Variants in CADPS observed in about 807,000 individuals in gnomAD.
CADPS encodes calcium dependent secretion activator, also known as calcium-dependent secretion activator 1.
A neutral mutation model predicts 167.3 loss-of-function variants in CADPS; 57 were observed. The ratio of observed to expected loss-of-function variants is 0.34; its 90% confidence interval spans 0.28 to 0.42. CADPS has a LOEUF of 0.42. Ranked by LOEUF, CADPS falls within the 20% of genes least tolerant of loss-of-function variation. CADPS has a pLI of 1.00. For missense variants in CADPS, 1,414 were observed against 1,738.1 expected (o/e 0.81, Z 3.32); for synonymous variants, 676 against 635.3 (o/e 1.06, Z -0.96).
intron 28 of CADPS, among the ~76,000 whole-genome samples, chr3:62,415,021 T>G (rs1456946089): frequency 2.0e-5 from 3 of 152,160 alleles, no homozygotes; most frequent in Non-Finnish European, 4.4e-5. Flanking sequence ...CGTCTGATGC[T>G]TTGTCTCCTT....
chr3:62,616,400 C>A (rs1045114644), intron 6 of CADPS, among the ~76,000 whole-genome samples: 1 of 151,886 alleles, frequency 6.6e-6, no homozygotes, highest in Non-Finnish European at 1.5e-5. Flanking sequence ...AACAAAGTTA[C>A]GTTCCTGGGA....
At chr3:62,611,558 T>C (rs564475943) in intron 6 of CADPS, among the ~76,000 whole-genome samples, 3 of 152,338 alleles carry the variant, frequency 2.0e-5, no homozygotes, top group African/African-American at 7.2e-5. Flanking sequence ...TCAGAATGAA[T>C]GACAGTGTTT....
intron 1 of CADPS, among the ~76,000 whole-genome samples, chr3:62,814,988 C>G (rs2094548592): frequency 1.3e-5 from 2 of 152,178 alleles, no homozygotes; most frequent in African/African-American, 2.4e-5. Context: ...TTTGGTCCCT[C>G]TCTTAACAGA....
chr3:62,663,277 G>A (rs1255538134), intron 3 of CADPS, among the ~76,000 whole-genome samples: 1 of 152,156 alleles, frequency 6.6e-6, no homozygotes, highest in African/African-American at 2.4e-5. Flanking sequence ...TGTAAGGGCT[G>A]TAGGTGAATG....
At position 62,516,053 on chromosome 3, in the gene CADPS, C is replaced by T. The variant is rs777622711; in HGVS notation, c.2581+6G>A. The T allele has an allele frequency of 1.2e-6, 2 of 1,612,720 alleles. No homozygotes were observed. Among genetic ancestry groups the T allele is most frequent in the Admixed American group, 3.3e-5 (2 of 59,918 alleles). Reference sequence around the variant, plus strand: ...ATTCAAAACTGGGGGCAGAAGGGAGCCTTACCTTCGATTTTGGCATACTCT... The same window carrying T: ...ATTCAAAACTGGGGGCAGAAGGGAGTCTTACCTTCGATTTTGGCATACTCT... On this transcript the variant is annotated splice_donor_region_variant and intron_variant, in intron 16 of 29. Coordinates refer to ENST00000383710, the MANE Select transcript of CADPS (RefSeq NM_003716.4).
In CADPS at chr3:62,446,099, A is replaced by G. The variant is rs566959231; in HGVS notation, c.3637-302T>C. 6.6e-6 allele frequency among the ~76,000 whole-genome samples: 1 copy of G among 152,288 alleles called. No homozygotes were observed. Among genetic ancestry groups the G allele is most frequent in the African/African-American group, 2.4e-5 (1 of 41,560 alleles). ...AAAGTGACTAGCTAAACCCACATGG[A>G]TTAGTCCGGGGCTTACCAGTCTAGA... On this transcript the variant is annotated intron_variant, in intron 26 of 29. Transcript: ENST00000383710. This position sits in a 1 kb window ranked among gnomAD's most constrained non-coding sequence, Gnocchi z 4.9.
At chr3:62,620,123 G>A (rs1344804594) in intron 6 of CADPS, among the ~76,000 whole-genome samples, 1 of 151,926 alleles carries the variant, frequency 6.6e-6, no homozygotes, top group Non-Finnish European at 1.5e-5. Flanking sequence ...ATATCATTAG[G>A]TTTCATTTAA....
At chr3:62,713,251 G>A (rs1371035407) in intron 3 of CADPS, among the ~76,000 whole-genome samples, 1 of 152,064 alleles carries the variant, frequency 6.6e-6, no homozygotes, top group Non-Finnish European at 1.5e-5. Context: ...CCTGGTAAAG[G>A]ACTACCATTT....
At chr3:62,522,123 ATC>A (rs1444495842) in intron 13 of CADPS, among the ~76,000 whole-genome samples, 64 of 151,690 alleles carry the variant, frequency 4.2e-4, no homozygotes, top group Admixed American at 8.5e-4. Context: ...CTATCTATCT[ATC>A]TATCTATCTA....
At chr3:62,749,821 A>G (rs1350078228) in intron 3 of CADPS, among the ~76,000 whole-genome samples, 1 of 152,106 alleles carries the variant, frequency 6.6e-6, no homozygotes, top group East Asian at 1.9e-4. Context: ...GTCTGAGGCT[A>G]TTTTCAGGGA....
intron 11 of CADPS, among the ~76,000 whole-genome samples, chr3:62,548,473 A>G (rs1170768631): frequency 1.3e-5 from 2 of 152,196 alleles, no homozygotes; most frequent in Non-Finnish European, 2.9e-5. Context: ...AGTACTGGAC[A>G]GGAATTCCTG....
intron 6 of CADPS, among the ~76,000 whole-genome samples, chr3:62,633,400 T>C (rs779600286): frequency 2.0e-5 from 3 of 152,098 alleles, no homozygotes; most frequent in African/African-American, 4.8e-5. Flanking sequence ...CCAGGTTACT[T>C]TGGGACATAA....
intron 1 of CADPS, among the ~76,000 whole-genome samples, chr3:62,858,087 T>G (rs910529322): frequency 6.6e-6 from 1 of 152,152 alleles, no homozygotes; most frequent in Non-Finnish European, 1.5e-5. Flanking sequence ...GGTCAACAAA[T>G]TTTTACTGTA....
At chr3:62,657,112 C>A (rs912454260) in intron 4 of CADPS, among the ~76,000 whole-genome samples, 1 of 152,188 alleles carries the variant, frequency 6.6e-6, no homozygotes, top group Non-Finnish European at 1.5e-5. Context: ...GGGTTAGTAT[C>A]TTTCTCTGGT....
intron 3 of CADPS, among the ~76,000 whole-genome samples, chr3:62,720,796 G>T (rs973302976): frequency 6.7e-6 from 1 of 150,282 alleles, no homozygotes; most frequent in African/African-American, 2.5e-5. Flanking sequence ...TTTCCATATT[G>T]TCCATTATAT....
At chr3:62,670,934 T>G (rs1328028800) in intron 3 of CADPS, among the ~76,000 whole-genome samples, 1 of 152,222 alleles carries the variant, frequency 6.6e-6, no homozygotes, top group Admixed American at 6.5e-5. Context: ...GCCCTGTGCC[T>G]TAGCTCTCTC....
intron 3 of CADPS, among the ~76,000 whole-genome samples, chr3:62,692,922 C>T (rs929870624): frequency 6.6e-6 from 1 of 152,020 alleles, no homozygotes; most frequent in Non-Finnish European, 1.5e-5. Flanking sequence ...CTAGAATGAT[C>T]ATGGCCTCTT....
chr3:62,425,474 T>A (rs1486020681), intron 28 of CADPS, among the ~76,000 whole-genome samples: 1 of 152,134 alleles, frequency 6.6e-6, no homozygotes, highest in East Asian at 1.9e-4. Flanking sequence ...AGATGTCTAA[T>A]CCCTACCTTA....
At chr3:62,812,263 A>G (rs995438387) in intron 1 of CADPS, among the ~76,000 whole-genome samples, 16 of 152,180 alleles carry the variant, frequency 1.1e-4, no homozygotes, top group East Asian at 3.9e-4. Context: ...ATTTTATACA[A>G]TGTGCATAAT....
Sources: gnomAD v4.1 joint callset for allele counts (sites outside exome capture counted in the v4.1 genomes callset) on GRCh38, gnomAD v4.1.1 for gene constraint, Gnocchi (gnomAD v3.1) non-coding constraint, MANE v1.5 for transcripts, NCBI Gene and HGNC (gene_info 2026-07-23, HGNC 2026-07-21) for gene names.